Variants in WBP2NL observed in about 807,000 individuals in gnomAD.
WBP2NL encodes the protein WBP2 N-terminal like, also known as postacrosomal sheath WW domain-binding protein.
WBP2NL carries 27 observed loss-of-function variants against 23.3 expected under a neutral mutation model. The observed-to-expected ratio is 1.16, with a 90% CI of 0.85 to 1.60. The LOEUF (loss-of-function observed/expected upper bound fraction) is 1.60. Among genes scored for constraint, WBP2NL ranks in the 40% most tolerant of loss-of-function variants. The probability of loss-of-function intolerance (pLI) is 0.00; values close to 1 mark genes in which losing one functional copy is unlikely to be tolerated. For missense variants in WBP2NL, 370 were observed against 389.5 expected (o/e 0.95, Z 0.42); for synonymous variants, 151 against 145.9 (o/e 1.03, Z -0.25).
chr22:42,012,778 G>A (rs929194596), intron 1 of WBP2NL, among the ~76,000 whole-genome samples: 17 of 151,250 alleles, frequency 1.1e-4, no homozygotes, highest in African/African-American at 4.1e-4. Flanking sequence ...GGATCACGAG[G>A]TCAGAAGATG....
intron 8 of WBP2NL, among the ~76,000 whole-genome samples, chr22:42,043,505 A>G (rs1463990710): frequency 1.3e-5 from 2 of 152,146 alleles, no homozygotes; most frequent in Non-Finnish European, 1.5e-5. Context: ...AGTCAACTCT[A>G]GGCACACACA....
chr22:42,056,470 T>C (rs1411580887), intron 8 of WBP2NL, among the ~76,000 whole-genome samples: 2 of 152,192 alleles, frequency 1.3e-5, no homozygotes, highest in East Asian at 3.8e-4. Context: ...CATTTACTGG[T>C]GCTCTTTATT....
intron 1 of WBP2NL, among the ~76,000 whole-genome samples, chr22:42,011,045 G>T (rs2146770036): frequency 6.6e-6 from 1 of 152,220 alleles, no homozygotes; most frequent in East Asian, 1.9e-4. Flanking sequence ...GTATTTTGTT[G>T]AGGATTTTTT....
At position 41,998,846 on chromosome 22, in the gene WBP2NL, A is replaced by G; in HGVS notation, c.28A>G (p.Asn10Asp). 1 of 1,612,356 alleles carries G rather than the reference A, an allele frequency of 6.2e-7. No individual in the cohort carries two copies. Among genetic ancestry groups the G allele is most frequent in the South Asian group, 1.1e-5 (1 of 90,932 alleles). ...GGCGGTGAATCAGAGCCACACCGAG[A>G]ACCGCCGCGGAGCCCTCATCCCTAA... is the stretch of plus-strand genomic sequence containing the variant. MAVNQSHTENRRGALIPNGE... is the reference protein window; with the variant it reads MAVNQSHTEDRRGALIPNGE... Residue 10 changes from asparagine to aspartate, a missense_variant, in exon 1 of 6, where the codon AAC (asparagine) becomes GAC (aspartate). Transcript: ENST00000328823.
At chr22:42,002,031 C>A in intron 1 of WBP2NL, 1 of 562,188 alleles carries the variant, frequency 1.8e-6, no homozygotes, top group Non-Finnish European at 2.9e-6. Flanking sequence ...GACTCCGGGG[C>A]TGATTGTGAA....
At chr22:42,019,556 G>GAA in intron 2 of WBP2NL, 106 bp from the exon 3 acceptor site, 1 of 1,543,914 alleles carries the variant, frequency 6.5e-7, no homozygotes, top group Non-Finnish European at 8.8e-7. Context: ...GGTGGTGGAA[G>GAA]AAAAGATGAT....
chr22:42,049,705 CAAAAAAAA>C (rs1158837575), intron 8 of WBP2NL, among the ~76,000 whole-genome samples: 85 of 37,486 alleles, frequency 2.3e-3, no homozygotes, highest in African/African-American at 3.4e-3. Flanking sequence ...CAAAACAAAA[CAAAAAAAA>C]AAAAAAAAAA....
At chr22:42,016,689 C>A (rs1304202708) in intron 1 of WBP2NL, among the ~76,000 whole-genome samples, 1 of 152,146 alleles carries the variant, frequency 6.6e-6, no homozygotes, top group Non-Finnish European at 1.5e-5. Context: ...TTTAAAGATT[C>A]CCATTCCACA....
intron 8 of WBP2NL, among the ~76,000 whole-genome samples, chr22:42,051,679 CAG>C (rs541208247): frequency 1.9e-3 from 282 of 152,148 alleles, no homozygotes; most frequent in African/African-American, 6.6e-3. Context: ...AGGCTGGGGT[CAG>C]GGGAGGGATG....
At chr22:41,999,812 CTG>C (rs1035099878) in intron 1 of WBP2NL, among the ~76,000 whole-genome samples, 10 of 152,300 alleles carry the variant, frequency 6.6e-5, no homozygotes, top group African/African-American at 2.2e-4. Context: ...CAACAAAGCA[CTG>C]TTGGTCGCAG....
intron 1 of WBP2NL, among the ~76,000 whole-genome samples, chr22:42,009,862 G>T (rs1030458914): frequency 1.3e-5 from 2 of 152,136 alleles, no homozygotes; most frequent in African/African-American, 4.8e-5. Context: ...TTGAGATTTG[G>T]TAGGGATTGT....
At chr22:42,021,308 A>G (rs1462982302) in intron 4 of WBP2NL, among the ~76,000 whole-genome samples, 1 of 152,096 alleles carries the variant, frequency 6.6e-6, no homozygotes, top group Non-Finnish European at 1.5e-5. Context: ...GGAAATTTTT[A>G]TGGGCCAGGC....
chr22:42,019,741 CTG>C lies in WBP2NL; in HGVS notation c.253_254del (p.Val85Ter). The C allele has an allele frequency of 6.2e-7, 1 of 1,614,206 alleles. No individual in the cohort carries two copies. Among genetic ancestry groups the C allele is most frequent in the East Asian group, 2.2e-5 (1 of 44,884 alleles). On this transcript the variant is annotated frameshift_variant, in exon 3 of 6. Transcript: ENST00000328823. LOFTEE classifies it high-confidence loss of function. ...CCATTTGATCTGATGACGAACCTCACTGTTGAACAACCAGTATTTGCTGCAAA... is the reference window on the plus strand; with the variant it reads ...CCATTTGATCTGATGACGAACCTCACTTGAACAACCAGTATTTGCTGCAAA...
downstream of WBP2NL, among the ~76,000 whole-genome samples, chr22:42,034,134 G>T (rs1925092047): frequency 6.6e-6 from 1 of 152,244 alleles, no homozygotes. Flanking sequence ...GGGCTGGTGT[G>T]TCAGCACTGC....
chr22:42,032,631 A>G, downstream of WBP2NL: 1 of 371,172 alleles, frequency 2.7e-6, no homozygotes, highest in East Asian at 9.7e-5. Flanking sequence ...TGTTACACAG[A>G]TTACCTCATT....
intron 8 of WBP2NL, among the ~76,000 whole-genome samples, chr22:42,054,715 T>TAA (rs57938269): frequency 0.036 from 5,031 of 139,172 alleles, 309 homozygotes; most frequent in African/African-American, 0.12. Context: ...AGTACCTTTG[T>TAA]AAAAAAAAAA....
intron 8 of WBP2NL, among the ~76,000 whole-genome samples, chr22:42,057,647 T>C (rs1325467000): frequency 6.6e-6 from 1 of 151,140 alleles, no homozygotes; most frequent in Non-Finnish European, 1.5e-5. Context: ...ATGTGGCAGG[T>C]TTTTCAATGC....
At chr22:42,036,199 A>G (rs1406156421), downstream of WBP2NL, among the ~76,000 whole-genome samples, 1 of 151,822 alleles carries the variant, frequency 6.6e-6, no homozygotes, top group Non-Finnish European at 1.5e-5. Context: ...CTTTGAGACC[A>G]AGTCTCGCTC....
At position 41,998,858 on chromosome 22, in the gene WBP2NL, G is replaced by T. The variant is rs971992570; in HGVS notation, c.40G>T (p.Ala14Ser). The T allele has an allele frequency of 5.3e-5, 86 of 1,612,152 alleles. No individual in the cohort carries two copies. The highest frequency in any genetic ancestry group is 7.0e-5 in the Non-Finnish European group (82 of 1,178,872). Residue 14 changes from alanine to serine, a missense_variant, in exon 1 of 6, where the codon GCC (alanine) becomes TCC (serine). Transcript: ENST00000328823. ...NQSHTENRRG[A>S]LIPNGESLLK... Reference sequence around the variant, plus strand: ...GAGCCACACCGAGAACCGCCGCGGAGCCCTCATCCCTAACGGTGAAAGGTG... The same window carrying T: ...GAGCCACACCGAGAACCGCCGCGGATCCCTCATCCCTAACGGTGAAAGGTG...
Sources: allele counts gnomAD v4.1 joint callset (sites outside exome capture counted in the v4.1 genomes callset), GRCh38; gene constraint gnomAD v4.1.1; transcripts MANE v1.5; gene names NCBI Gene and HGNC (gene_info 2026-07-23, HGNC 2026-07-21).